The following E2F3 variants were observed in gnomAD, a reference collection of about 807,000 sequenced individuals.
E2F3 encodes the protein E2F transcription factor 3.
In E2F3, 11 loss-of-function variants were observed where a neutral mutation model predicts 44.4. The observed-to-expected ratio is 0.25, with a 90% CI of 0.16 to 0.41. E2F3 has a LOEUF of 0.41. E2F3 is among the 10% of genes least tolerant of loss of function. E2F3 has a pLI of 1.00. For synonymous variants in E2F3, 249 were observed against 253.0 expected (o/e 0.98, Z 0.15); for missense variants, 487 against 583.6 (o/e 0.83, Z 1.70).
intron 1 of E2F3, 82 bp from the exon 2 acceptor site, chr6:20,479,764 T>C: frequency 8.4e-7 from 1 of 1,185,264 alleles, no homozygotes; most frequent in Non-Finnish European, 1.2e-6. Context: ...CTGCAGCATT[T>C]GGCAGGCCAG....
At chr6:20,406,048 ACT>A (rs753781962) in intron 1 of E2F3, among the ~76,000 whole-genome samples, 2 of 152,124 alleles carry the variant, frequency 1.3e-5, no homozygotes, top group Non-Finnish European at 2.9e-5. Context: ...CCACCTAAAC[ACT>A]CTGTGTCCAA....
intron 1 of E2F3, among the ~76,000 whole-genome samples, chr6:20,461,271 A>G (rs1761499400): frequency 6.6e-6 from 1 of 152,094 alleles, no homozygotes; most frequent in Non-Finnish European, 1.5e-5. Context: ...AGGTGAGTGG[A>G]TCACAAGGTC....
intron 1 of E2F3, among the ~76,000 whole-genome samples, chr6:20,435,860 CATT>C (rs1487880880): frequency 6.6e-6 from 1 of 152,070 alleles, no homozygotes; most frequent in African/African-American, 2.4e-5. Context: ...CAACAATAAA[CATT>C]ATTGTTACTA....
rs1038505374 is a variant in E2F3, at chr6:20,401,936, G to A, written c.-297G>A. On this transcript the variant is annotated 5_prime_UTR_variant, in exon 1 of 7. Transcript: ENST00000346618. ...TTTTCAGCTGCCGGCCGCAGCACCC[G>A]GGCTGCCGCCGCCGCCTCGCAATCC... The A allele has an allele frequency of 2.5e-5, 10 of 403,566 alleles. No individual in the cohort carries two copies. The highest frequency in any genetic ancestry group is 8.8e-5 in the Admixed American group (2 of 22,660). 25.0% of individuals were successfully genotyped at this position (403,566 alleles called of 1,614,324 possible). A position where few individuals can be genotyped will look rare whatever the true frequency, so the allele number is the denominator to read the frequency against.
intron 1 of E2F3, among the ~76,000 whole-genome samples, chr6:20,410,701 C>CTGGGT: frequency 6.6e-6 from 1 of 152,312 alleles, no homozygotes; most frequent in Non-Finnish European, 1.5e-5. Context: ...TCACCGCAAC[C>CTGGGT]TCTGCCTCCT....
At chr6:20,470,541 C>T (rs1346715130) in intron 1 of E2F3, among the ~76,000 whole-genome samples, 2 of 152,146 alleles carry the variant, frequency 1.3e-5, no homozygotes, top group African/African-American at 4.8e-5. Flanking sequence ...CTGGAAATTC[C>T]CTCCTTTGGG....
intron 1 of E2F3, among the ~76,000 whole-genome samples, chr6:20,446,189 T>C (rs373262046): frequency 6.6e-6 from 1 of 152,294 alleles, no homozygotes; most frequent in East Asian, 1.9e-4. Context: ...TGAAATGTTA[T>C]TCAAGGACCT....
At chr6:20,439,371 G>A (rs996478390) in intron 1 of E2F3, among the ~76,000 whole-genome samples, 9 of 152,146 alleles carry the variant, frequency 5.9e-5, no homozygotes, top group African/African-American at 1.7e-4. Context: ...CTGCTCTTTA[G>A]GGAGGAGGAG....
chr6:20,461,174 A>G (rs16883842), intron 1 of E2F3, among the ~76,000 whole-genome samples: 20,375 of 152,054 alleles, frequency 0.13, 1,800 homozygotes, highest in East Asian at 0.41. Flanking sequence ...AGATAGAAAG[A>G]ATAGCACCCA....
In E2F3 at chr6:20,412,447, C is replaced by T. The variant is rs1363482554; in HGVS notation, c.393+9822C>T. Among the ~76,000 whole-genome samples the T allele has an allele frequency of 3.9e-5, 6 of 151,942 alleles. 1 individual carries two copies. The highest frequency in any genetic ancestry group is 1.2e-4 in the African/African-American group (5 of 41,430). ...GGAAGATTGGGGAGGCCCTTTCTGGCGGGGAGACATAAGTCAAAGGCAGGC... is the reference window on the plus strand; with the variant it reads ...GGAAGATTGGGGAGGCCCTTTCTGGTGGGGAGACATAAGTCAAAGGCAGGC... On this transcript the variant is annotated intron_variant, in intron 1 of 6. Transcript: ENST00000346618.
intron 1 of E2F3, among the ~76,000 whole-genome samples, chr6:20,448,958 A>G (rs1761038518): frequency 6.6e-6 from 1 of 152,240 alleles, no homozygotes; most frequent in Non-Finnish European, 1.5e-5. Flanking sequence ...TCATCTTCAG[A>G]GACCTGCCTT....
intron 1 of E2F3, among the ~76,000 whole-genome samples, chr6:20,466,034 A>G (rs1216597581): frequency 6.7e-6 from 1 of 149,986 alleles, no homozygotes; most frequent in Non-Finnish European, 1.5e-5. Flanking sequence ...ACTGTTTTCC[A>G]TAGGGGTTGT....
intron 1 of E2F3, among the ~76,000 whole-genome samples, chr6:20,435,337 G>A (rs866477333): frequency 1.3e-5 from 2 of 152,186 alleles, no homozygotes; most frequent in African/African-American, 2.4e-5. Context: ...GGAGAATGAC[G>A]TATTGCTGGG....
rs1345320467 is a variant in E2F3, at chr6:20,403,852, C to T, written c.393+1227C>T. The T allele has an allele frequency of 6.3e-6, 9 of 1,420,142 alleles. No individual in the cohort carries two copies. The Admixed American group carries it at 1.8e-4, about 29-fold the overall frequency. The allele number at this position is 1,420,142 out of a possible 1,614,324, so 88.0% of individuals were successfully genotyped here. ...CAGCAGGTTAGTGACCGGGACGGCT[C>T]GGGGGCCGCCGACGCCGCGGGGGCA... On this transcript the variant is annotated intron_variant, in intron 1 of 6. Transcript: ENST00000346618.
chr6:20,432,480 T>TGAGACAA (rs1760438738), intron 1 of E2F3, among the ~76,000 whole-genome samples: 1 of 152,248 alleles, frequency 6.6e-6, no homozygotes, highest in Non-Finnish European at 1.5e-5. Context: ...TAGGTTTGTT[T>TGAGACAA]GAGACAAGAT....
At chr6:20,413,139 A>G (rs114775073) in intron 1 of E2F3, among the ~76,000 whole-genome samples, 3,509 of 152,250 alleles carry the variant, frequency 0.023, 51 homozygotes, top group Middle Eastern at 0.058. Flanking sequence ...CCTAGTATTT[A>G]TCCTCTGTGG....
chr6:20,461,092 C>T (rs1190639085), intron 1 of E2F3, among the ~76,000 whole-genome samples: 1 of 151,090 alleles, frequency 6.6e-6, no homozygotes, highest in Non-Finnish European at 1.5e-5. Context: ...AGTCTCATGC[C>T]CATTCTTCTG....
chr6:20,439,780 G>A (rs532030414), intron 1 of E2F3, among the ~76,000 whole-genome samples: 10 of 152,106 alleles, frequency 6.6e-5, no homozygotes, highest in East Asian at 1.9e-4. Flanking sequence ...CTCCTGCCTC[G>A]GCCTCCCAGA....
chr6:20,460,559 C>G (rs1468609343), intron 1 of E2F3, among the ~76,000 whole-genome samples: 4 of 151,988 alleles, frequency 2.6e-5, no homozygotes, highest in African/African-American at 4.8e-5. Context: ...TTTTAATGAA[C>G]AATAGTCATT....
Sources: gnomAD v4.1 joint callset for allele counts (sites outside exome capture counted in the v4.1 genomes callset) on GRCh38, gnomAD v4.1.1 for gene constraint, MANE v1.5 for transcripts, NCBI Gene and HGNC (gene_info 2026-07-23, HGNC 2026-07-21) for gene names.